ST8SIA5: variants seen among roughly 807,000 people sequenced by gnomAD.
The protein encoded by ST8SIA5 is ST8 alpha-N-acetyl-neuraminide alpha-2,8-sialyltransferase 5.
In ST8SIA5, 24 loss-of-function variants were observed where a neutral mutation model predicts 40.2. The observed-to-expected ratio is 0.60, with a 90% CI of 0.43 to 0.84. ST8SIA5 has a LOEUF of 0.84. ST8SIA5 is among the 40% of genes least tolerant of loss of function. The pLI, the probability that ST8SIA5 is intolerant of heterozygous loss-of-function variation, is 0.00. For synonymous variants in ST8SIA5, 198 were observed against 201.8 expected, an observed-to-expected ratio of 0.98 and a Z score of 0.16; for missense variants, 465 against 498.5, an observed-to-expected ratio of 0.93 and a Z score of 0.64.
At chr18:46,723,884 C>T (rs1343391698) in intron 1 of ST8SIA5, among the ~76,000 whole-genome samples, 2 of 152,048 alleles carry the variant, frequency 1.3e-5, no homozygotes, top group South Asian at 2.1e-4. Context: ...TGAGATCGTG[C>T]CATTGCACTC....
intron 1 of ST8SIA5, among the ~76,000 whole-genome samples, chr18:46,713,926 C>T (rs74429100): frequency 0.015 from 2,326 of 152,162 alleles, 25 homozygotes; most frequent in Non-Finnish European, 0.025. Flanking sequence ...AGTGAGTGTC[C>T]GAAGACCTGG....
Position 46,704,482 on chromosome 18 carries a change from T to G in ST8SIA5, c.224+90A>C, listed in dbSNP as rs924839407. The G allele has an allele frequency of 3.4e-6, 4 of 1,168,352 alleles. No homozygotes were observed. The African/African-American group carries it at 6.1e-5, about 18-fold the overall frequency. 72.4% of individuals were successfully genotyped at this position (1,168,352 alleles called of 1,614,324 possible). ...TAGGAACCTACCATGTGTTTCCTGT[T>G]TCCTTCCACCCTTGCCCCCACGCAC... On this transcript the variant is annotated intron_variant, in intron 2 of 6. Transcript: ENST00000315087.
intron 2 of ST8SIA5, among the ~76,000 whole-genome samples, chr18:46,697,305 A>G (rs1245995630): frequency 2.0e-5 from 3 of 152,050 alleles, no homozygotes; most frequent in Admixed American, 2.0e-4. Flanking sequence ...GACCAAGATA[A>G]CCCATCAGAT....
chr18:46,728,193 CAA>C (rs533087232), intron 1 of ST8SIA5, among the ~76,000 whole-genome samples: 16 of 86,320 alleles, frequency 1.9e-4, no homozygotes, highest in Non-Finnish European at 2.8e-4. Context: ...GACTCCATCT[CAA>C]AAAAAAAAAA....
intron 1 of ST8SIA5, among the ~76,000 whole-genome samples, chr18:46,713,054 A>C (rs948568): frequency 0.012 from 1,846 of 152,322 alleles, 27 homozygotes; most frequent in African/African-American, 0.034. Flanking sequence ...AGCAAAGCCA[A>C]GTCAAGCTGG....
chr18:46,752,996 A>G (rs868075996), intron 1 of ST8SIA5, among the ~76,000 whole-genome samples: 47 of 152,258 alleles, frequency 3.1e-4, no homozygotes, highest in Admixed American at 1.6e-3. Context: ...CCAGGGCCAA[A>G]CACAGCTCCC....
chr18:46,683,391 T>A (rs1364198846), intron 5 of ST8SIA5, among the ~76,000 whole-genome samples: 1 of 152,150 alleles, frequency 6.6e-6, no homozygotes, highest in Non-Finnish European at 1.5e-5. Context: ...GCTGGTTGAA[T>A]GTGGAACTCA....
intron 1 of ST8SIA5, among the ~76,000 whole-genome samples, chr18:46,719,753 TTTTC>T (rs762493794): frequency 8.4e-5 from 11 of 130,340 alleles, no homozygotes; most frequent in Admixed American, 2.4e-4. Flanking sequence ...CCTTTCTTTC[TTTTC>T]TTTCTTTCTC....
chr18:46,693,965 C>T (rs2039531603), intron 2 of ST8SIA5, among the ~76,000 whole-genome samples: 1 of 152,210 alleles, frequency 6.6e-6, no homozygotes, highest in Non-Finnish European at 1.5e-5. Context: ...TAACCAATTC[C>T]TTCCTGCTTT....
rs997018435 is a variant in ST8SIA5, at chr18:46,676,656, T to C, written c.*3386A>G. ...TCTTTGTGCTTGGCTAAGCACTGAG[T>C]CATTTACTTGTTTTTGCTGCCTTTC... On this transcript the variant is annotated 3_prime_UTR_variant, in exon 7 of 7. Transcript: ENST00000315087. The C allele has an allele frequency of 6.6e-6, 1 of 152,142 alleles. No individual in the cohort carries two copies. The highest frequency in any genetic ancestry group is 1.9e-4 in the East Asian group (1 of 5,192). 9.4% of individuals were successfully genotyped at this position (152,142 alleles called of 1,614,324 possible).
At chr18:46,689,572 ATTTT>A (rs541590079) in intron 3 of ST8SIA5, among the ~76,000 whole-genome samples, 11 of 128,746 alleles carry the variant, frequency 8.5e-5, no homozygotes, top group Non-Finnish European at 1.3e-4. Context: ...ATGTTTTATG[ATTTT>A]TTTTTTTTTT....
intron 2 of ST8SIA5, among the ~76,000 whole-genome samples, chr18:46,700,464 G>A (rs187480234): frequency 8.7e-4 from 133 of 152,284 alleles, no homozygotes; most frequent in African/African-American, 2.7e-3. Context: ...TGAAGCCCCC[G>A]GGTCCCAAGA....
intron 1 of ST8SIA5, among the ~76,000 whole-genome samples, chr18:46,722,441 G>A (rs1269789587): frequency 2.6e-5 from 4 of 152,246 alleles, no homozygotes; most frequent in Non-Finnish European, 5.9e-5. Flanking sequence ...TCTGCTTACT[G>A]AGTGCACCTG....
intron 1 of ST8SIA5, among the ~76,000 whole-genome samples, chr18:46,747,482 A>T (rs1032077088): frequency 2.0e-5 from 3 of 152,272 alleles, no homozygotes; most frequent in African/African-American, 7.2e-5. Context: ...GCTCATCATC[A>T]CTGGTCATCA....
intron 1 of ST8SIA5, among the ~76,000 whole-genome samples, chr18:46,712,370 T>G (rs2039741375): frequency 6.6e-6 from 1 of 152,190 alleles, no homozygotes; most frequent in African/African-American, 2.4e-5. Flanking sequence ...CTCTCACCAC[T>G]TCTCCTTCCT....
chr18:46,743,142 G>T (rs933021217), intron 1 of ST8SIA5, among the ~76,000 whole-genome samples: 21 of 152,168 alleles, frequency 1.4e-4, no homozygotes, highest in Non-Finnish European at 4.4e-5. Context: ...CTAAAAACCA[G>T]GGTGCCTCTT....
chr18:46,741,979 G>A (rs2040090261), intron 1 of ST8SIA5, among the ~76,000 whole-genome samples: 1 of 151,864 alleles, frequency 6.6e-6, no homozygotes, highest in Non-Finnish European at 1.5e-5. Context: ...GCGCATGCCT[G>A]TAATCCCAGC....
chr18:46,679,907 T>C lies in ST8SIA5; in HGVS notation c.*135A>G, dbSNP rs1422350625. On this transcript the variant is annotated 3_prime_UTR_variant, in exon 7 of 7. Transcript: ENST00000315087. Reference sequence around the variant, plus strand: ...CTGCCTCCCTACCCCAGGATCCAAGTACAGAGCTGAACAATGGAGGGAGAG... The same window carrying C: ...CTGCCTCCCTACCCCAGGATCCAAGCACAGAGCTGAACAATGGAGGGAGAG... 1 of 877,796 alleles carries C rather than the reference T, an allele frequency of 1.1e-6. No homozygotes were observed. The highest frequency in any genetic ancestry group is 1.7e-6 in the Non-Finnish European group (1 of 588,370). 54.4% of individuals were successfully genotyped at this position (877,796 alleles called of 1,614,324 possible). A position where few individuals can be genotyped will look rare whatever the true frequency, so the allele number is the denominator to read the frequency against.
At chr18:46,725,114 T>G (rs1263489835) in intron 1 of ST8SIA5, among the ~76,000 whole-genome samples, 4 of 152,102 alleles carry the variant, frequency 2.6e-5, no homozygotes, top group African/African-American at 9.7e-5. Context: ...TGATGAAATA[T>G]GCAGCTTAGA....
Sources: gnomAD v4.1 joint callset for allele counts (sites outside exome capture counted in the v4.1 genomes callset) on GRCh38, gnomAD v4.1.1 for gene constraint, MANE v1.5 for transcripts, NCBI Gene and HGNC (gene_info 2026-07-23, HGNC 2026-07-21) for gene names.